The following MRTFB variants were observed in gnomAD, a reference collection of about 807,000 sequenced individuals.
The protein encoded by MRTFB is myocardin related transcription factor B.
MRTFB carries 29 observed loss-of-function variants against 104.2 expected under a neutral mutation model. That is an observed-to-expected ratio of 0.28 (90% confidence interval 0.21 to 0.38). The LOEUF is 0.38. MRTFB is among the 10% of genes least tolerant of loss of function. MRTFB has a pLI of 1.00. For synonymous variants in MRTFB, 535 were observed against 519.5 expected (o/e 1.03, Z -0.41); for missense variants, 1,270 against 1,341.6 (o/e 0.95, Z 0.83).
At chr16:14,082,877 T>C (rs1053880084) in intron 2 of MRTFB, among the ~76,000 whole-genome samples, 3 of 152,292 alleles carry the variant, frequency 2.0e-5, no homozygotes, top group Admixed American at 2.0e-4. Flanking sequence ...CTTCAGGATT[T>C]TTTTTCTATT....
the MRTFB span, among the ~76,000 whole-genome samples, chr16:14,042,126 G>GTTGT: frequency 6.6e-6 from 1 of 151,736 alleles, no homozygotes; most frequent in Non-Finnish European, 1.5e-5. Context: ...TATTTTCTGG[G>GTTGT]TTGTTTGTTT....
chr16:14,249,113 G>A (rs754901778), intron 13 of MRTFB, 32 bp downstream of exon 13: 15 of 1,604,836 alleles, frequency 9.3e-6, no homozygotes, highest in East Asian at 4.5e-5. Context: ...ATAGAATGTC[G>A]CTGATTTTTA....
At chr16:14,090,701 C>T (rs567919793) in intron 2 of MRTFB, among the ~76,000 whole-genome samples, 29 of 152,272 alleles carry the variant, frequency 1.9e-4, no homozygotes, top group African/African-American at 5.3e-4. Flanking sequence ...GTGAGTCTCT[C>T]TTCTGGTTAC....
the MRTFB span, among the ~76,000 whole-genome samples, chr16:14,004,032 T>TGAGGGTTCGTTGGGTG: frequency 0.022 from 3,287 of 152,090 alleles, 105 homozygotes; most frequent in African/African-American, 0.075. Context: ...CAGTTGCATT[T>TGAGGGTTCGTTGGGTG]GAGGGTTCGT....
chr16:14,051,690 A>G, the MRTFB span, among the ~76,000 whole-genome samples: 1 of 152,122 alleles, frequency 6.6e-6, no homozygotes, highest in African/African-American at 2.4e-5. Context: ...CATACAGAAC[A>G]CACATTCACA....
At chr16:14,226,969 G>A (rs2042030327) in intron 8 of MRTFB, among the ~76,000 whole-genome samples, 2 of 124,044 alleles carry the variant, frequency 1.6e-5, no homozygotes, top group East Asian at 2.2e-4. Context: ...GACAGAGCGA[G>A]AACCTGTCTC....
chr16:14,236,559 T>C (rs771847735), intron 9 of MRTFB, among the ~76,000 whole-genome samples: 2 of 152,088 alleles, frequency 1.3e-5, no homozygotes, highest in African/African-American at 2.4e-5. Flanking sequence ...AGGAGAGACG[T>C]GTCTTTTAAA....
the MRTFB span, among the ~76,000 whole-genome samples, chr16:14,015,546 C>G: frequency 6.6e-6 from 1 of 152,104 alleles, no homozygotes; most frequent in South Asian, 2.1e-4. Flanking sequence ...TATTCCTAGC[C>G]GAATCCTGAA....
chr16:14,046,662 G>A, the MRTFB span, among the ~76,000 whole-genome samples: 2 of 152,246 alleles, frequency 1.3e-5, no homozygotes, highest in South Asian at 4.2e-4. Context: ...ACTGTAAATG[G>A]TGACTTTCTT....
chr16:14,184,032 T>G (rs1308700577), intron 3 of MRTFB, among the ~76,000 whole-genome samples: 1 of 145,138 alleles, frequency 6.9e-6, no homozygotes, highest in African/African-American at 2.6e-5. Context: ...CTAAAAACAG[T>G]TGGGCATTTT....
chr16:14,187,149 C>A, intron 3 of MRTFB: 1 of 802,312 alleles, frequency 1.2e-6, no homozygotes, highest in Non-Finnish European at 1.9e-6. Flanking sequence ...CACTCATGTA[C>A]CTTACACATT....
At chr16:14,053,443 A>C in the MRTFB span, among the ~76,000 whole-genome samples, 3 of 152,116 alleles carry the variant, frequency 2.0e-5, no homozygotes, top group Admixed American at 1.3e-4. Flanking sequence ...TATTTTTTTA[A>C]AAAATTAGGC....
chr16:14,032,033 C>G, the MRTFB span, among the ~76,000 whole-genome samples: 4 of 152,202 alleles, frequency 2.6e-5, no homozygotes, highest in Non-Finnish European at 5.9e-5. Context: ...GTCTTGAACT[C>G]CTGACCTCAA....
chr16:14,027,765 A>T, the MRTFB span, among the ~76,000 whole-genome samples: 1 of 152,224 alleles, frequency 6.6e-6, no homozygotes, highest in African/African-American at 2.4e-5. Context: ...AAGTTTGGGG[A>T]CAGTGACAGA....
rs202232783 is a variant in MRTFB at position 14,193,340 on chromosome 16, G to A, written c.155-16903G>A. 2.2e-4 allele frequency among the ~76,000 whole-genome samples: 34 copies of A among 151,610 alleles called. No individual in the cohort carries two copies. The East Asian group carries it at 6.4e-3, about 29-fold the overall frequency. On this transcript the variant is annotated intron_variant, in intron 3 of 16. Coordinates refer to ENST00000571589, the MANE Select transcript of MRTFB (RefSeq NM_001308142.2). ...TGGGATAAAATCAAAAATCTGTGGG[G>A]TAAAAAGCCTTGCCTATGTTTCCAG...
At chr16:14,116,071 C>T (rs973320356) in intron 2 of MRTFB, among the ~76,000 whole-genome samples, 1 of 152,200 alleles carries the variant, frequency 6.6e-6, no homozygotes, top group Non-Finnish European at 1.5e-5. Flanking sequence ...TCTTACTGCT[C>T]TACAGATGGG....
chr16:14,020,135 C>T, the MRTFB span, among the ~76,000 whole-genome samples: 450 of 152,124 alleles, frequency 3.0e-3, 9 homozygotes, highest in East Asian at 0.051. Context: ...GACTGGGTAC[C>T]CCCTCCACTG....
At chr16:14,056,171 G>A in the MRTFB span, among the ~76,000 whole-genome samples, 1 of 151,984 alleles carries the variant, frequency 6.6e-6, no homozygotes, top group Non-Finnish European at 1.5e-5. Flanking sequence ...TAGAGACAGG[G>A]TTTCGTCATG....
At chr16:14,201,353 C>T (rs2040695295) in intron 3 of MRTFB, among the ~76,000 whole-genome samples, 1 of 152,126 alleles carries the variant, frequency 6.6e-6, no homozygotes, top group Non-Finnish European at 1.5e-5. Context: ...TAGTGTGTCT[C>T]AAAGCTCTAT....
Sources: allele counts gnomAD v4.1 joint callset (sites outside exome capture counted in the v4.1 genomes callset), GRCh38; gene constraint gnomAD v4.1.1; transcripts MANE v1.5; gene names NCBI Gene and HGNC (gene_info 2026-07-23, HGNC 2026-07-21).